TSPAN5: variants seen among roughly 807,000 people sequenced by gnomAD.
TSPAN5 encodes the protein tetraspanin 5.
Under a neutral mutation model 37.1 loss-of-function variants are expected in TSPAN5, and 10 were observed. The observed-to-expected ratio is 0.27, with a 90% CI of 0.17 to 0.46. The LOEUF (loss-of-function observed/expected upper bound fraction) is 0.46. Ranked by LOEUF, TSPAN5 falls within the 20% of genes least tolerant of loss-of-function variation. TSPAN5 has a pLI of 1.00. For synonymous variants in TSPAN5, 110 were observed against 118.9 expected, an observed-to-expected ratio of 0.93 and a Z score of 0.48; for missense variants, 195 against 326.6, an observed-to-expected ratio of 0.60 and a Z score of 3.11.
At chr4:98,604,162 G>A (rs1579023178) in intron 1 of TSPAN5, among the ~76,000 whole-genome samples, 1 of 151,804 alleles carries the variant, frequency 6.6e-6, no homozygotes, top group Admixed American at 6.6e-5. Flanking sequence ...TCGTAGTACT[G>A]CAGCACCCAG....
chr4:98,509,821 G>A (rs1167566779), intron 1 of TSPAN5: 2 of 152,162 alleles, frequency 1.3e-5, no homozygotes, highest in Middle Eastern at 3.2e-3. Context: ...AAAAGAGAAC[G>A]ACCACTGACA....
At chr4:98,607,824 C>T (rs1756075992) in intron 1 of TSPAN5, among the ~76,000 whole-genome samples, 1 of 151,918 alleles carries the variant, frequency 6.6e-6, no homozygotes, top group African/African-American at 2.4e-5. Context: ...GATTCTCCTG[C>T]CTCAGCCTCC....
chr4:98,496,389 G>A (rs765771790), intron 2 of TSPAN5: 4 of 152,272 alleles, frequency 2.6e-5, no homozygotes, highest in Non-Finnish European at 4.4e-5. Flanking sequence ...AAGGGAGCAA[G>A]AGCAGCTTAG....
At chr4:98,543,712 A>G (rs1263779765) in intron 1 of TSPAN5, among the ~76,000 whole-genome samples, 1 of 151,766 alleles carries the variant, frequency 6.6e-6, no homozygotes, top group African/African-American at 2.4e-5. Context: ...GAGCCACTGC[A>G]CCCAGCCTAC....
chr4:98,507,193 C>T (rs868632440), intron 2 of TSPAN5, among the ~76,000 whole-genome samples: 1 of 152,122 alleles, frequency 6.6e-6, no homozygotes, highest in African/African-American at 2.4e-5. Flanking sequence ...ATTTGATACT[C>T]AAACATGAAG....
intron 1 of TSPAN5, among the ~76,000 whole-genome samples, chr4:98,652,873 T>C (rs1757220519): frequency 6.6e-6 from 1 of 152,224 alleles, no homozygotes; most frequent in Non-Finnish European, 1.5e-5. Flanking sequence ...GGTTGAAACA[T>C]GATTTGGTTT....
chr4:98,536,280 G>A (rs775188645), intron 1 of TSPAN5, among the ~76,000 whole-genome samples: 2 of 152,104 alleles, frequency 1.3e-5, no homozygotes, highest in African/African-American at 2.4e-5. Flanking sequence ...TTCTGCTGCC[G>A]GTCTGCTGGA....
intron 1 of TSPAN5, among the ~76,000 whole-genome samples, chr4:98,576,756 C>T (rs923665544): frequency 5.9e-5 from 9 of 151,932 alleles, no homozygotes; most frequent in African/African-American, 2.2e-4. Flanking sequence ...CTATTTATTA[C>T]TTTATTCTGT....
chr4:98,504,259 AG>A (rs1276812789), intron 2 of TSPAN5, among the ~76,000 whole-genome samples: 55 of 152,140 alleles, frequency 3.6e-4, no homozygotes, highest in Non-Finnish European at 3.5e-4. Context: ...ATCTGGGTCT[AG>A]GGGATGTACT....
At chr4:98,614,695 A>T (rs1396479786) in intron 1 of TSPAN5, among the ~76,000 whole-genome samples, 1 of 152,236 alleles carries the variant, frequency 6.6e-6, no homozygotes, top group Non-Finnish European at 1.5e-5. Context: ...AGGCAGTTAC[A>T]AGATTTATAA....
At chr4:98,492,407 C>T (rs1753103618) in intron 2 of TSPAN5, among the ~76,000 whole-genome samples, 1 of 152,160 alleles carries the variant, frequency 6.6e-6, no homozygotes, top group African/African-American at 2.4e-5. Context: ...GAGGCCTGCC[C>T]TAGAGCTCTA....
intron 4 of TSPAN5, among the ~76,000 whole-genome samples, 154 bp from the exon 5 acceptor site, chr4:98,478,964 T>C (rs1752777038): frequency 6.6e-6 from 1 of 152,196 alleles, no homozygotes; most frequent in Admixed American, 6.5e-5. Flanking sequence ...AAATGGCCCA[T>C]ATAAAATCTT....
intron 1 of TSPAN5, among the ~76,000 whole-genome samples, chr4:98,545,049 A>G (rs1754438451): frequency 6.6e-6 from 1 of 152,170 alleles, no homozygotes; most frequent in Admixed American, 6.5e-5. Flanking sequence ...AGTGCCTCTC[A>G]TGGCTCCGTG....
intron 1 of TSPAN5, among the ~76,000 whole-genome samples, chr4:98,621,679 T>C (rs1247810992): frequency 1.3e-5 from 2 of 152,116 alleles, no homozygotes; most frequent in Non-Finnish European, 2.9e-5. Flanking sequence ...GATGTCACCA[T>C]TTTAAAGTGC....
chr4:98,575,757 C>T (rs919795922), intron 1 of TSPAN5, among the ~76,000 whole-genome samples: 6 of 120,156 alleles, frequency 5.0e-5, no homozygotes, highest in African/African-American at 1.4e-4. Flanking sequence ...CATCCATCTG[C>T]GCCCCCCACC....
chr4:98,656,017 G>T (rs1454496555), intron 1 of TSPAN5, among the ~76,000 whole-genome samples: 2 of 152,156 alleles, frequency 1.3e-5, no homozygotes, highest in Non-Finnish European at 1.5e-5. Context: ...TAACAATTCT[G>T]CCTGGGGCAG....
At chr4:98,531,148 G>T (rs1203758547) in intron 1 of TSPAN5, among the ~76,000 whole-genome samples, 5 of 152,108 alleles carry the variant, frequency 3.3e-5, no homozygotes. Context: ...GTATACACAT[G>T]CCATGGTGGT....
In TSPAN5 at chr4:98,549,814, AT is replaced by A. The variant is rs199580856; in HGVS notation, c.82-42087del. Reference sequence around the variant, plus strand: ...CCTTAGTTGGATGCATACTTTGGGAATTTTTTTTTCCTCATTCTGTAGGTTT... The same window carrying A: ...CCTTAGTTGGATGCATACTTTGGGAATTTTTTTTCCTCATTCTGTAGGTTT... On this transcript the variant is annotated intron_variant, in intron 1 of 7. Transcript: ENST00000305798. Among the ~76,000 whole-genome samples the A allele has an allele frequency of 1.7e-4, 25 of 149,218 alleles. No homozygotes were observed. In the South Asian group the frequency reaches 2.3e-3, roughly 14 times the overall value.
intron 1 of TSPAN5, among the ~76,000 whole-genome samples, chr4:98,653,129 G>C (rs963715227): frequency 6.6e-6 from 1 of 152,068 alleles, no homozygotes; most frequent in South Asian, 2.1e-4. Flanking sequence ...GGTTGCCATC[G>C]AAGCTAACAG....
Sources: allele counts gnomAD v4.1 joint callset (sites outside exome capture counted in the v4.1 genomes callset), GRCh38; gene constraint gnomAD v4.1.1; transcripts MANE v1.5; gene names NCBI Gene and HGNC (gene_info 2026-07-23, HGNC 2026-07-21).